Variants in NAALADL2 observed in about 807,000 individuals in gnomAD.
NAALADL2 encodes the protein inactive N-acetylated-alpha-linked acidic dipeptidase-like protein 2.
NAALADL2 carries 76 observed loss-of-function variants against 87.2 expected under a neutral mutation model. The observed-to-expected ratio is 0.87, with a 90% CI of 0.72 to 1.05. The LOEUF (loss-of-function observed/expected upper bound fraction) is 1.05. Among genes scored for constraint, NAALADL2 ranks in the 50% least tolerant of loss-of-function variants. The pLI is 0.00. For missense variants in NAALADL2, 1,089 were observed against 945.8 expected (o/e 1.15, Z -1.99); for synonymous variants, 354 against 331.0 (o/e 1.07, Z -0.75).
intron 9 of NAALADL2, among the ~76,000 whole-genome samples, chr3:175,534,032 T>TAATAAATAAA (rs1337355953): frequency 1.3e-5 from 2 of 150,364 alleles, no homozygotes; most frequent in Non-Finnish European, 3.0e-5. Context: ...CATTTATTTA[T>TAATAAATAAA]TTATTATAAA....
intron 2 of NAALADL2, among the ~76,000 whole-genome samples, chr3:174,721,840 T>C (rs565597293): frequency 6.6e-6 from 1 of 152,276 alleles, no homozygotes; most frequent in East Asian, 1.9e-4. Flanking sequence ...TAACCTGAAC[T>C]CAGGAGATCC....
chr3:175,467,047 A>G lies in NAALADL2; in HGVS notation c.1396A>G (p.Ser466Gly), dbSNP rs184535725. The G allele has an allele frequency of 1.8e-4, 294 of 1,613,902 alleles. 1 individual carries two copies. In the East Asian group the frequency reaches 6.5e-3, roughly 36 times the overall value. The change falls in exon 8 of 14, where the codon AGT (serine) becomes GGT (glycine). Residue 466 changes from serine to glycine, a missense_variant. By Grantham distance (56) the Ser-to-Gly change is moderately conservative. Transcript: ENST00000454872. ...TTATAATGGACAAGAATGGGCCAGT[A>G]GTACTGCAATAATCACAGCGTTTAT... ...HSYNGQEWAS[S>G]TAIITAFIRA... is the part of the protein sequence containing the mutation.
At chr3:175,206,008 C>G (rs750159164) in intron 2 of NAALADL2, among the ~76,000 whole-genome samples, 2 of 151,826 alleles carry the variant, frequency 1.3e-5, no homozygotes, top group Non-Finnish European at 1.5e-5. Flanking sequence ...GGAATGTAAA[C>G]TAGTACACCC....
At chr3:175,048,478 A>G (rs1401891839) in intron 1 of NAALADL2, among the ~76,000 whole-genome samples, 3 of 150,428 alleles carry the variant, frequency 2.0e-5, no homozygotes, top group Non-Finnish European at 4.4e-5. Context: ...TGAAGCCATC[A>G]TTGAAAGTAG....
At chr3:174,731,119 T>C (rs191745262) in intron 2 of NAALADL2, among the ~76,000 whole-genome samples, 17 of 152,200 alleles carry the variant, frequency 1.1e-4, no homozygotes, top group Admixed American at 9.2e-4. Flanking sequence ...CACACTATCA[T>C]GGAAAGGCAA....
intron 5 of NAALADL2, among the ~76,000 whole-genome samples, chr3:175,440,423 T>C (rs1439596657): frequency 6.6e-6 from 1 of 152,140 alleles, no homozygotes; most frequent in East Asian, 1.9e-4. Flanking sequence ...CTGTTAAGAA[T>C]GATGGTGGTA....
At chr3:175,349,006 T>C (rs1440238194) in intron 5 of NAALADL2, among the ~76,000 whole-genome samples, 9 of 152,174 alleles carry the variant, frequency 5.9e-5, no homozygotes. Flanking sequence ...ATTTTCCCTA[T>C]GCATATACGT....
At chr3:175,801,698 G>A (rs1754171064) in intron 13 of NAALADL2, among the ~76,000 whole-genome samples, 1 of 152,080 alleles carries the variant, frequency 6.6e-6, no homozygotes, top group South Asian at 2.1e-4. Flanking sequence ...ATAACAATTA[G>A]AAAAATGTAT....
chr3:174,926,430 GA>G (rs1262511391), intron 1 of NAALADL2, among the ~76,000 whole-genome samples: 2 of 152,000 alleles, frequency 1.3e-5, no homozygotes, highest in African/African-American at 4.8e-5. Context: ...TGAAATGAAG[GA>G]AAAATGTTAA....
At chr3:174,612,885 G>A (rs1720070125) in intron 2 of NAALADL2, among the ~76,000 whole-genome samples, 1 of 152,144 alleles carries the variant, frequency 6.6e-6, no homozygotes, top group Admixed American at 6.5e-5. Flanking sequence ...TGAAGAGTTA[G>A]ATATTTATTG....
At chr3:175,383,728 G>A (rs1768049806) in intron 5 of NAALADL2, among the ~76,000 whole-genome samples, 1 of 151,982 alleles carries the variant, frequency 6.6e-6, no homozygotes, top group African/African-American at 2.4e-5. Context: ...AACCAGAGAA[G>A]TTCTTTTACT....
intron 2 of NAALADL2, among the ~76,000 whole-genome samples, chr3:174,565,954 A>C (rs1435206483): frequency 6.6e-6 from 1 of 151,840 alleles, no homozygotes; most frequent in Non-Finnish European, 1.5e-5. Flanking sequence ...TTATTTGTCT[A>C]TGTCTTGTTT....
intron 5 of NAALADL2, among the ~76,000 whole-genome samples, chr3:175,332,677 A>G (rs751712464): frequency 6.6e-6 from 1 of 152,170 alleles, no homozygotes; most frequent in African/African-American, 2.4e-5. Context: ...AAAATTTTCT[A>G]CATGCTGATG....
At chr3:174,852,818 A>T (rs1015655670) in intron 3 of NAALADL2, among the ~76,000 whole-genome samples, 1 of 152,128 alleles carries the variant, frequency 6.6e-6, no homozygotes, top group Non-Finnish European at 1.5e-5. Flanking sequence ...AAATTATACT[A>T]TAAGGCTACA....
chr3:174,821,919 G>A (rs1211420238), intron 3 of NAALADL2, among the ~76,000 whole-genome samples: 1 of 152,082 alleles, frequency 6.6e-6, no homozygotes, highest in Non-Finnish European at 1.5e-5. Flanking sequence ...GTTTGGTAAG[G>A]AAAAATAGGT....
At chr3:175,108,101 C>T (rs1206543223) in intron 2 of NAALADL2, among the ~76,000 whole-genome samples, 1 of 151,790 alleles carries the variant, frequency 6.6e-6, no homozygotes, top group Non-Finnish European at 1.5e-5. Flanking sequence ...AAATGAAGTG[C>T]CCTTCTATTG....
chr3:174,466,273 ATT>A (rs1326538046), intron 1 of NAALADL2, among the ~76,000 whole-genome samples: 83 of 137,486 alleles, frequency 6.0e-4, no homozygotes, highest in Middle Eastern at 3.7e-3. Context: ...ACATTATGAG[ATT>A]TTTTTTTTTT....
At chr3:175,373,251 T>G (rs902847492) in intron 5 of NAALADL2, among the ~76,000 whole-genome samples, 1 of 152,308 alleles carries the variant, frequency 6.6e-6, no homozygotes, top group Middle Eastern at 3.4e-3. Context: ...TGTATAATCA[T>G]GACCACAAAC....
intron 1 of NAALADL2, among the ~76,000 whole-genome samples, chr3:174,973,602 G>A (rs9860624): frequency 0.045 from 6,855 of 152,114 alleles, 528 homozygotes; most frequent in African/African-American, 0.16. Flanking sequence ...GATATTTTCC[G>A]AGAAATGCAT....
Sources: gnomAD v4.1 joint callset for allele counts (sites outside exome capture counted in the v4.1 genomes callset) on GRCh38, gnomAD v4.1.1 for gene constraint, MANE v1.5 for transcripts, NCBI Gene and HGNC (gene_info 2026-07-23, HGNC 2026-07-21) for gene names.